The following MAGI1 variants were observed in gnomAD, a reference collection of about 807,000 sequenced individuals.
MAGI1 encodes membrane-associated guanylate kinase, WW and PDZ domain-containing protein 1.
In MAGI1, 58 loss-of-function variants were observed where a neutral mutation model predicts 139.9. The ratio of observed to expected loss-of-function variants is 0.41; its 90% confidence interval spans 0.34 to 0.52. The LOEUF (loss-of-function observed/expected upper bound fraction) is 0.52. MAGI1 is among the 20% of genes least tolerant of loss of function. The probability of loss-of-function intolerance (pLI) is 0.12; values close to 1 mark genes in which losing one functional copy is unlikely to be tolerated. For synonymous variants in MAGI1, 812 were observed against 737.9 expected, an observed-to-expected ratio of 1.10 and a Z score of -1.63; for missense variants, 1,874 against 1,901.6, an observed-to-expected ratio of 0.99 and a Z score of 0.27.
intron 12 of MAGI1, among the ~76,000 whole-genome samples, chr3:65,407,027 A>T (rs1236848496): frequency 2.6e-5 from 4 of 152,214 alleles, no homozygotes; most frequent in African/African-American, 9.7e-5. Context: ...TAAATGTAGG[A>T]CTTTAAATTT....
chr3:65,738,924 A>C (rs929352521), intron 1 of MAGI1, among the ~76,000 whole-genome samples: 5 of 152,240 alleles, frequency 3.3e-5, no homozygotes. Context: ...TAGAATCTTC[A>C]GAATAGTCAA....
rs1217317754 is a variant in MAGI1, at chr3:65,516,766, G to C, written c.431-23135C>G. ...TTTTTGAGACGGAGTCTCGCTCTGT[G>C]GCCCAGGCTGGAGTGCAGTGGCGGG... On this transcript the variant is annotated intron_variant, in intron 2 of 22. Transcript: ENST00000402939. Among the ~76,000 whole-genome samples the C allele has an allele frequency of 7.2e-5, 8 of 110,910 alleles. No homozygotes were observed. The South Asian group carries it at 1.3e-3, about 18-fold the overall frequency. The allele number at this position is 110,910 out of a possible 152,430, so 72.8% of individuals were successfully genotyped here.
In MAGI1 at chr3:65,979,079, T is replaced by C. The variant is rs1037583279; in HGVS notation, c.313+58917A>G. 8.6e-5 allele frequency among the ~76,000 whole-genome samples: 8 copies of C among 93,492 alleles called. No individual in the cohort carries two copies. In the East Asian group the frequency reaches 1.1e-3, roughly 12 times the overall value. 61.3% of individuals were successfully genotyped at this position (93,492 alleles called of 152,430 possible). A position where few individuals can be genotyped will look rare whatever the true frequency, so the allele number is the denominator to read the frequency against. ...GTTAGAAAGAACAGCCAAAGTTTTT[T>C]TCTTTTCTTCCCCCCCCCCGCCACC... On this transcript the variant is annotated intron_variant, in intron 1 of 22. Transcript: ENST00000402939.
chr3:65,957,380 G>C (rs983064431), intron 1 of MAGI1, among the ~76,000 whole-genome samples: 4 of 150,440 alleles, frequency 2.7e-5, no homozygotes, highest in Non-Finnish European at 5.9e-5. Flanking sequence ...ATTTAGCTGA[G>C]GATGGTGGCA....
intron 6 of MAGI1, among the ~76,000 whole-genome samples, chr3:65,450,696 A>G (rs1948981757): frequency 6.6e-6 from 1 of 152,216 alleles, no homozygotes; most frequent in Non-Finnish European, 1.5e-5. Context: ...CACAGCAGTG[A>G]CAGAAGGAGT....
rs986967052 is a variant in MAGI1, at chr3:65,516,888, C to T, written c.431-23257G>A. Among the ~76,000 whole-genome samples the T allele has an allele frequency of 1.8e-4, 16 of 89,780 alleles. No homozygotes were observed. The East Asian group carries it at 0.024, about 133-fold the overall frequency. 58.9% of individuals were successfully genotyped at this position (89,780 alleles called of 152,430 possible). A position where few individuals can be genotyped will look rare whatever the true frequency, so the allele number is the denominator to read the frequency against. ...GACTACAGGCGCCCGCCACTACGCC[C>T]GGCTAATTTTTTTGTATTTTTAGTA... On this transcript the variant is annotated intron_variant, in intron 2 of 22. Coordinates refer to ENST00000402939, the MANE Select transcript of MAGI1 (RefSeq NM_001033057.2).
chr3:65,549,856 G>C (rs990050128), intron 2 of MAGI1, among the ~76,000 whole-genome samples: 5 of 152,036 alleles, frequency 3.3e-5, no homozygotes, highest in African/African-American at 9.7e-5. Context: ...GTGTGGGGTT[G>C]ACTTCGAAAT....
chr3:65,869,115 C>T (rs1447296830), intron 1 of MAGI1, among the ~76,000 whole-genome samples: 3 of 151,190 alleles, frequency 2.0e-5, no homozygotes, highest in Non-Finnish European at 2.9e-5. Context: ...ATTAGCAGGG[C>T]GTGGTGGCAG....
chr3:65,775,166 C>T (rs2038269924), intron 1 of MAGI1, among the ~76,000 whole-genome samples: 2 of 152,034 alleles, frequency 1.3e-5, no homozygotes, highest in South Asian at 2.1e-4. Context: ...TATTTTCAGG[C>T]TGGGCGTGGT....
intron 1 of MAGI1, among the ~76,000 whole-genome samples, chr3:65,915,973 T>A (rs927104743): frequency 6.7e-6 from 1 of 149,380 alleles, no homozygotes; most frequent in Non-Finnish European, 1.5e-5. Flanking sequence ...GATACATATA[T>A]AAAATGTGAA....
chr3:65,907,109 G>A (rs1388372174), intron 1 of MAGI1, among the ~76,000 whole-genome samples: 1 of 150,824 alleles, frequency 6.6e-6, no homozygotes, highest in Non-Finnish European at 1.5e-5. Flanking sequence ...AAAAAGAAAT[G>A]GCTCGATGAC....
intron 1 of MAGI1, among the ~76,000 whole-genome samples, chr3:65,763,789 G>A (rs1463844646): frequency 1.3e-5 from 2 of 151,852 alleles, no homozygotes; most frequent in African/African-American, 4.8e-5. Flanking sequence ...AAAATCCTGA[G>A]GCCAGGCACA....
rs568010843 is a variant in MAGI1, at chr3:65,783,755, C to G, written c.314-161667G>C. Among the ~76,000 whole-genome samples the G allele has an allele frequency of 1.1e-4, 15 of 142,510 alleles. No homozygotes were observed. The East Asian group carries it at 3.0e-3, about 28-fold the overall frequency. The allele number at this position is 142,510 out of a possible 152,430, so 93.5% of individuals were successfully genotyped here. A position where few individuals can be genotyped will look rare whatever the true frequency, so the allele number is the denominator to read the frequency against. On this transcript the variant is annotated intron_variant, in intron 1 of 22. Coordinates refer to ENST00000402939, the MANE Select transcript of MAGI1 (RefSeq NM_001033057.2). The stretch of plus-strand genomic sequence containing the variant: ...TCAAGCAATCTGCCCACCTCAGCCT[C>G]TCAAAGTGCTGAGATTACAGGTGTG...
chr3:65,727,288 T>C (rs998270009), intron 1 of MAGI1, among the ~76,000 whole-genome samples: 4 of 152,226 alleles, frequency 2.6e-5, no homozygotes, highest in African/African-American at 9.6e-5. Context: ...CAGAACACAG[T>C]TTGAAAACCA....
chr3:65,398,432 C>T (rs1428285270), intron 13 of MAGI1, among the ~76,000 whole-genome samples: 2 of 151,922 alleles, frequency 1.3e-5, no homozygotes, highest in South Asian at 2.1e-4. Flanking sequence ...CCCAGAAGTT[C>T]GAGGCTGCAG....
At chr3:65,539,600 G>T (rs912981219) in intron 2 of MAGI1, among the ~76,000 whole-genome samples, 3 of 152,136 alleles carry the variant, frequency 2.0e-5, no homozygotes, top group African/African-American at 7.2e-5. Flanking sequence ...AATGAGGAGG[G>T]TGCAAGGAAA....
intron 2 of MAGI1, among the ~76,000 whole-genome samples, chr3:65,568,955 C>T (rs1356885448): frequency 6.6e-6 from 1 of 152,148 alleles, no homozygotes; most frequent in Non-Finnish European, 1.5e-5. Flanking sequence ...AATAGCAGCC[C>T]ATGTGCTAAA....
At chr3:65,661,423 GT>G (rs1440268315) in intron 1 of MAGI1, among the ~76,000 whole-genome samples, 1 of 152,166 alleles carries the variant, frequency 6.6e-6, no homozygotes, top group African/African-American at 2.4e-5. Context: ...TGGCATCTTG[GT>G]TTTCAGAGGG....
chr3:65,943,543 A>G (rs1488754343), intron 1 of MAGI1, among the ~76,000 whole-genome samples: 1 of 151,784 alleles, frequency 6.6e-6, no homozygotes, highest in Non-Finnish European at 1.5e-5. Flanking sequence ...ACTGCACTCC[A>G]GCCCAGGTGA....
Sources: gnomAD v4.1 joint callset for allele counts (sites outside exome capture counted in the v4.1 genomes callset) on GRCh38, gnomAD v4.1.1 for gene constraint, MANE v1.5 for transcripts, NCBI Gene and HGNC (gene_info 2026-07-23, HGNC 2026-07-21) for gene names.